The following VASH2 variants were observed in gnomAD, a reference collection of about 807,000 sequenced individuals.
The protein encoded by VASH2 is vasohibin 2.
In VASH2, 28 loss-of-function variants were observed where a neutral mutation model predicts 37.2. That is an observed-to-expected ratio of 0.75 (90% confidence interval 0.56 to 1.03). VASH2 has a LOEUF of 1.03. Among genes scored for constraint, VASH2 ranks in the 50% least tolerant of loss-of-function variants. The pLI, the probability that VASH2 is intolerant of heterozygous loss-of-function variation, is 0.00. For synonymous variants in VASH2, 188 were observed against 174.7 expected, an observed-to-expected ratio of 1.08 and a Z score of -0.60; for missense variants, 419 against 459.1, an observed-to-expected ratio of 0.91 and a Z score of 0.80.
At chr1:212,988,135 A>C (rs773907429) in intron 7 of VASH2, among the ~76,000 whole-genome samples, 1 of 152,166 alleles carries the variant, frequency 6.6e-6, no homozygotes, top group African/African-American at 2.4e-5. Context: ...CCAATGTTTC[A>C]AGGAGAATTT....
Position 212,990,254 on chromosome 1 carries a change from A to G in VASH2, c.*1670A>G, listed in dbSNP as rs550740224. 1 of 152,362 alleles carries G rather than the reference A, an allele frequency of 6.6e-6. No homozygotes were observed. Among genetic ancestry groups the G allele is most frequent in the South Asian group, 2.1e-4 (1 of 4,828 alleles). 9.4% of individuals were successfully genotyped at this position (152,362 alleles called of 1,614,324 possible). ...GTCCTTTAGATGAACAAGACCAAGT[A>G]TACATCTCCATTAGATTAAAATGTA... On this transcript the variant is annotated 3_prime_UTR_variant, in exon 8 of 8. Coordinates refer to ENST00000517399, the MANE Select transcript of VASH2 (RefSeq NM_001301056.2).
At chr1:212,973,522 G>A in intron 6 of VASH2, 1 of 1,290,406 alleles carries the variant, frequency 7.7e-7, no homozygotes, top group Middle Eastern at 2.1e-4. Context: ...AGGACCTGGA[G>A]TGGAGATTCC....
chr1:212,972,496 A>T, intron 5 of VASH2, 84 bp from the exon 6 acceptor site: 1 of 1,542,416 alleles, frequency 6.5e-7, no homozygotes, highest in Non-Finnish European at 8.7e-7. Flanking sequence ...GACTCACTGA[A>T]CCCTGAGACA....
At chr1:212,956,353 G>A (rs565253864) in intron 2 of VASH2, among the ~76,000 whole-genome samples, 1 of 152,114 alleles carries the variant, frequency 6.6e-6, no homozygotes, top group Non-Finnish European at 1.5e-5. Flanking sequence ...GTTTTCTGGG[G>A]CCCCCACCCC....
At chr1:212,963,606 A>G (rs1485114857) in intron 3 of VASH2, among the ~76,000 whole-genome samples, 1 of 152,126 alleles carries the variant, frequency 6.6e-6, no homozygotes, top group African/African-American at 2.4e-5. Flanking sequence ...GAGAGGTGCC[A>G]TGTGAGCTCT....
intron 7 of VASH2, among the ~76,000 whole-genome samples, chr1:212,987,597 C>CA (rs765560603): frequency 6.4e-4 from 98 of 152,092 alleles, no homozygotes; most frequent in Non-Finnish European, 1.2e-3. Context: ...AAAAACAAAA[C>CA]AAAAACAAGG....
At chr1:212,970,823 G>A (rs1409834776) in intron 5 of VASH2, among the ~76,000 whole-genome samples, 1 of 151,924 alleles carries the variant, frequency 6.6e-6, no homozygotes, top group Non-Finnish European at 1.5e-5. Context: ...TTGGGAGGCA[G>A]AGGCTGCAGT....
chr1:212,973,712 C>A (rs1244168003), intron 6 of VASH2: 4 of 1,301,186 alleles, frequency 3.1e-6, no homozygotes, highest in Middle Eastern at 3.0e-4. Context: ...CTACACGGCA[C>A]AGGGAGCACA....
rs376488895 is a variant in VASH2, at chr1:212,951,475, C to A, written c.-68C>A. 1 of 1,031,680 alleles carries A rather than the reference C, an allele frequency of 9.7e-7. No homozygotes were observed. Among genetic ancestry groups the A allele is most frequent in the African/African-American group, 1.7e-5 (1 of 58,800 alleles). The allele number at this position is 1,031,680 out of a possible 1,614,324, so 63.9% of individuals were successfully genotyped here. A position where few individuals can be genotyped will look rare whatever the true frequency, so the allele number is the denominator to read the frequency against. ...CCTCGCCGCGCCCGCGCGCACACGC[C>A]CCCCGCCGCCGCCGCCGCTGCCGCC... On this transcript the variant is annotated 5_prime_UTR_variant, in exon 2 of 8. Transcript: ENST00000517399. The surrounding 1 kb of genome is among the most constrained non-coding windows in gnomAD (Gnocchi z 4.4).
intron 5 of VASH2, chr1:212,967,032 A>T: frequency 8.7e-7 from 1 of 1,155,806 alleles, no homozygotes; most frequent in Non-Finnish European, 1.2e-6. Context: ...GGCAGGAGCC[A>T]TCGCGCCTGG....
chr1:212,958,077 C>T (rs1256752572), intron 2 of VASH2, among the ~76,000 whole-genome samples: 1 of 152,214 alleles, frequency 6.6e-6, no homozygotes, highest in Non-Finnish European at 1.5e-5. Context: ...GGGCCCACAG[C>T]TAGTAGGTGG....
intron 3 of VASH2, among the ~76,000 whole-genome samples, chr1:212,962,842 G>A (rs1228721165): frequency 6.6e-6 from 1 of 152,182 alleles, no homozygotes; most frequent in Non-Finnish European, 1.5e-5. Context: ...ACCTGCATGG[G>A]GAGTTCCACA....
intron 5 of VASH2, 50 bp from the exon 6 acceptor site, chr1:212,972,530 C>A (rs1276374366): frequency 1.9e-6 from 3 of 1,586,968 alleles, no homozygotes; most frequent in Non-Finnish European, 1.7e-6. Context: ...TGCATCCAGG[C>A]TTCAAATTTT....
Position 212,951,873 on chromosome 1 carries a change from G to A in VASH2, c.276+55G>A. The stretch of plus-strand genomic sequence containing the variant: ...GCTGGGGGTAGGTAGGCAGCGATGG[G>A]ACCGTTTCAGCCTATACATAGCAAA... On this transcript the variant is annotated intron_variant, in intron 2 of 7. Transcript: ENST00000517399. The surrounding 1 kb of genome is among the most constrained non-coding windows in gnomAD (Gnocchi z 4.4). The A allele has an allele frequency of 6.5e-7, 1 of 1,548,878 alleles. No homozygotes were observed. The highest frequency in any genetic ancestry group is 1.3e-5 in the African/African-American group (1 of 74,664).
chr1:212,968,247 G>T (rs1666908957), intron 5 of VASH2: 8 of 985,398 alleles, frequency 8.1e-6, no homozygotes, highest in Non-Finnish European at 8.4e-6. Flanking sequence ...TTCAATAAGT[G>T]AAAGGAGAAA....
chr1:212,963,061 A>T (rs575888336), intron 3 of VASH2, among the ~76,000 whole-genome samples: 3 of 152,266 alleles, frequency 2.0e-5, no homozygotes, highest in African/African-American at 7.2e-5. Context: ...CACAAGGATC[A>T]TCTGGCTGAG....
At chr1:212,964,159 G>C (rs1666764034) in intron 3 of VASH2, among the ~76,000 whole-genome samples, 1 of 152,170 alleles carries the variant, frequency 6.6e-6, no homozygotes, top group Non-Finnish European at 1.5e-5. Flanking sequence ...TAGCATCTGG[G>C]GTTATGCTCC....
chr1:212,968,116 A>G (rs1183247646), intron 5 of VASH2: 13 of 717,048 alleles, frequency 1.8e-5, no homozygotes, highest in Non-Finnish European at 2.2e-5. Flanking sequence ...AGATTTGGAC[A>G]TGTGAAATTT....
At chr1:212,988,377 G>C (rs1183710259) in intron 7 of VASH2, 135 bp from the exon 8 acceptor site, 15 of 829,294 alleles carry the variant, frequency 1.8e-5, no homozygotes, top group Non-Finnish European at 4.0e-6. Context: ...AGCTAAGGCT[G>C]GCAGGGTGGG....
Sources: gnomAD v4.1 joint callset for allele counts (sites outside exome capture counted in the v4.1 genomes callset) on GRCh38, gnomAD v4.1.1 for gene constraint, Gnocchi (gnomAD v3.1) non-coding constraint, MANE v1.5 for transcripts, NCBI Gene and HGNC (gene_info 2026-07-23, HGNC 2026-07-21) for gene names.